CACNA1C: variants seen among roughly 807,000 people sequenced by gnomAD.
CACNA1C encodes the protein voltage-dependent L-type calcium channel subunit alpha-1C.
In CACNA1C, 30 loss-of-function variants were observed where a neutral mutation model predicts 229.0. The ratio of observed to expected loss-of-function variants is 0.13; its 90% CI spans 0.10 to 0.18. The LOEUF (loss-of-function observed/expected upper bound fraction) is 0.18, where lower values mean the gene tolerates loss of function less well. CACNA1C is among the 10% of genes least tolerant of loss of function. CACNA1C has a pLI of 1.00. For missense variants in CACNA1C, 1,658 were observed against 2,845.0 expected, an observed-to-expected ratio of 0.58 and a Z score of 9.49; for synonymous variants, 1,114 against 1,132.5, an observed-to-expected ratio of 0.98 and a Z score of 0.33.
At chr12:2,603,843 G>T (rs1348617831) in intron 22 of CACNA1C, 1 of 152,228 alleles carries the variant, frequency 6.6e-6, no homozygotes. Flanking sequence ...AGAGCCTATA[G>T]AATGCAGACC....
intron 37 of CACNA1C, among the ~76,000 whole-genome samples, chr12:2,667,265 C>A (rs1468873): frequency 6.7e-6 from 1 of 149,180 alleles, no homozygotes; most frequent in African/African-American, 2.6e-5. Flanking sequence ...TTCTCCCTCC[C>A]CTCCACCATG....
chr12:2,207,171 G>C (rs185101552), intron 3 of CACNA1C, among the ~76,000 whole-genome samples: 68 of 152,318 alleles, frequency 4.5e-4, no homozygotes, highest in Non-Finnish European at 3.7e-4. Context: ...TGGAGGATTT[G>C]CAGAGCCAGG....
intron 1 of CACNA1C, among the ~76,000 whole-genome samples, chr12:2,111,255 T>G (rs2081611862): frequency 6.6e-6 from 1 of 152,212 alleles, no homozygotes. Flanking sequence ...AGGTCCCTCA[T>G]GGAGTTTTGG....
upstream of CACNA1C, among the ~76,000 whole-genome samples, chr12:2,052,776 G>A (rs1444359755): frequency 6.9e-6 from 1 of 145,568 alleles, no homozygotes; most frequent in South Asian, 2.1e-4. Flanking sequence ...CGGGCGCCGG[G>A]AGGGGGCCCG....
At chr12:2,358,683 G>A (rs138649807) in intron 3 of CACNA1C, among the ~76,000 whole-genome samples, 7 of 152,150 alleles carry the variant, frequency 4.6e-5, no homozygotes, top group African/African-American at 1.4e-4. Flanking sequence ...CAGGTTAACC[G>A]CAAGCGGTGG....
intron 9 of CACNA1C, 21 bp downstream of exon 9, chr12:2,513,005 G>C: frequency 1.3e-6 from 2 of 1,575,156 alleles, no homozygotes; most frequent in Non-Finnish European, 1.7e-6. Context: ...GTCTTCTTCT[G>C]TGTTTGGGCT....
At chr12:2,190,470 G>A (rs1262644866) in intron 3 of CACNA1C, among the ~76,000 whole-genome samples, 2 of 152,116 alleles carry the variant, frequency 1.3e-5, no homozygotes, top group East Asian at 1.9e-4. Context: ...TCAGGGTATC[G>A]TAGACGTGTT....
chr12:2,164,318 A>G (rs2096091196), intron 3 of CACNA1C, among the ~76,000 whole-genome samples: 1 of 152,164 alleles, frequency 6.6e-6, no homozygotes, highest in Non-Finnish European at 1.5e-5. Flanking sequence ...TCACTGAATG[A>G]GGCATTGTGG....
In CACNA1C at chr12:2,225,404, A is replaced by G. The variant is rs2062682125; in HGVS notation, c.477+104974A>G. On this transcript the variant is annotated intron_variant, in intron 3 of 46. Transcript: ENST00000399655. ...TAGCATAAATAATTAACAAGCACCA[A>G]TACGCAAAGAAATCAGTTATCAAGA... Among the ~76,000 whole-genome samples the G allele has an allele frequency of 2.0e-5, 3 of 152,368 alleles. No homozygotes were observed. In the South Asian group the frequency reaches 6.2e-4, roughly 32 times the overall value.
At chr12:2,204,937 T>TA (rs565701621) in intron 3 of CACNA1C, among the ~76,000 whole-genome samples, 2,204 of 128,140 alleles carry the variant, frequency 0.017, 20 homozygotes, top group Non-Finnish European at 0.03. Context: ...AAAACTTTAA[T>TA]AAAAAAAAAT....
At chr12:2,482,984 A>G (rs1422793665) in intron 5 of CACNA1C, among the ~76,000 whole-genome samples, 2 of 152,100 alleles carry the variant, frequency 1.3e-5, no homozygotes, top group African/African-American at 2.4e-5. Context: ...GTTATTTCCA[A>G]TTCTTTCATT....
At position 2,450,329 on chromosome 12, in the gene CACNA1C, C is replaced by T. The variant is rs188942611; in HGVS notation, c.617+1214C>T. Among the ~76,000 whole-genome samples, 1,018 of 151,964 alleles carry T rather than the reference C, an allele frequency of 6.7e-3. 8 individuals carry two copies. Among genetic ancestry groups the T allele is most frequent in the African/African-American group, 0.022 (896 of 41,406 alleles). ...CAGCACTTTGGGAGGCCAAGGCGGG[C>T]GGATCACGAGGTCAGGAGATCGAGA... On this transcript the variant is annotated intron_variant, in intron 4 of 46. Transcript: ENST00000399655.
chr12:2,645,532 G>A (rs2094247812), intron 30 of CACNA1C, among the ~76,000 whole-genome samples: 1 of 152,226 alleles, frequency 6.6e-6, no homozygotes. Flanking sequence ...ACTCCAGCAA[G>A]TCCAATCTCT....
rs561479830 is a variant in CACNA1C at position 2,541,991 on chromosome 12, C to G, written c.1391-7952C>G. ...CCGGATATTCTCTATGAGGATGGTT[C>G]TCCCCATCCTCCTGCCAGTCTCAGG... is the stretch of plus-strand genomic sequence containing the variant. On this transcript the variant is annotated intron_variant, in intron 9 of 46. Coordinates refer to ENST00000399655, the MANE Select transcript of CACNA1C (RefSeq NM_000719.7). Among the ~76,000 whole-genome samples, 5 of 152,212 alleles carry G rather than the reference C, an allele frequency of 3.3e-5. No homozygotes were observed. The South Asian group carries it at 1.0e-3, about 32-fold the overall frequency.
rs189395936 is a variant in CACNA1C, at chr12:2,154,841, G to A, written c.477+34411G>A. ...GCCTTGTCTTGCCAATGATACAGAA[G>A]CTCCCCGCAGGACAGTGGGTAGGTG... On this transcript the variant is annotated intron_variant, in intron 3 of 46. Coordinates refer to ENST00000399655, the MANE Select transcript of CACNA1C (RefSeq NM_000719.7). Among the ~76,000 whole-genome samples the A allele has an allele frequency of 5.9e-5, 9 of 152,306 alleles. No homozygotes were observed. In the East Asian group the frequency reaches 1.5e-3, roughly 26 times the overall value.
chr12:2,343,311 C>A (rs936617714), intron 3 of CACNA1C, among the ~76,000 whole-genome samples: 1 of 152,212 alleles, frequency 6.6e-6, no homozygotes, highest in Non-Finnish European at 1.5e-5. Flanking sequence ...GTTTTGTGGC[C>A]TCTCTCTATT....
At chr12:2,610,835 T>C (rs1568780170) in intron 28 of CACNA1C, 136 bp downstream of exon 28, 2 of 861,876 alleles carry the variant, frequency 2.3e-6, no homozygotes, top group Non-Finnish European at 3.7e-6. Context: ...GAAAGACGAG[T>C]GTTCTCTGTC....
At chr12:2,530,274 A>G (rs1188836253) in intron 9 of CACNA1C, among the ~76,000 whole-genome samples, 2 of 152,252 alleles carry the variant, frequency 1.3e-5, no homozygotes, top group Non-Finnish European at 2.9e-5. Flanking sequence ...TCCTAATGGA[A>G]ATGGCCTGTT....
At chr12:2,587,750 G>T (rs1380530556) in intron 18 of CACNA1C, among the ~76,000 whole-genome samples, 1 of 152,124 alleles carries the variant, frequency 6.6e-6, no homozygotes, top group Non-Finnish European at 1.5e-5. Context: ...GAGGCCTCAG[G>T]ATTCTTGAGA....
Sources: allele counts gnomAD v4.1 joint callset (sites outside exome capture counted in the v4.1 genomes callset), GRCh38; gene constraint gnomAD v4.1.1; transcripts MANE v1.5; gene names NCBI Gene and HGNC (gene_info 2026-07-23, HGNC 2026-07-21).